Variants in CDKAL1 observed in about 807,000 individuals in gnomAD.
CDKAL1 encodes CDKAL1 threonylcarbamoyladenosine tRNA methylthiotransferase.
Under a neutral mutation model 68.2 loss-of-function variants are expected in CDKAL1, and 32 were observed. That is an observed-to-expected ratio of 0.47 (90% CI 0.35 to 0.63). The LOEUF (loss-of-function observed/expected upper bound fraction) is 0.63, where lower values mean the gene tolerates loss of function less well. Ranked by LOEUF, CDKAL1 falls within the 30% of genes least tolerant of loss-of-function variation. The pLI is 0.00. For synonymous variants in CDKAL1, 234 were observed against 244.3 expected (o/e 0.96, Z 0.39); for missense variants, 606 against 696.7 (o/e 0.87, Z 1.47).
chr6:21,087,698 G>C (rs1426367872), intron 12 of CDKAL1, among the ~76,000 whole-genome samples: 1 of 151,936 alleles, frequency 6.6e-6, no homozygotes, highest in Non-Finnish European at 1.5e-5. Flanking sequence ...CTAACTCTTG[G>C]TCAATGGTTC....
chr6:21,150,367 C>T (rs190335680), intron 13 of CDKAL1, among the ~76,000 whole-genome samples: 1 of 152,260 alleles, frequency 6.6e-6, no homozygotes, highest in Non-Finnish European at 1.5e-5. Context: ...CCTGATGCCT[C>T]CTTAGCGATT....
intron 8 of CDKAL1, chr6:20,799,831 A>G (rs1192463339): frequency 6.6e-6 from 1 of 152,204 alleles, no homozygotes; most frequent in Non-Finnish European, 1.5e-5. Flanking sequence ...TTGAGTAGAG[A>G]AAGAAATAAT....
Position 20,534,553 on chromosome 6 carries a change from G to C in CDKAL1, c.-71G>C, listed in dbSNP as rs1013393777. 6.5e-6 allele frequency: 1 copy of C among 152,806 alleles called. No individual in the cohort carries two copies. Among genetic ancestry groups the C allele is most frequent in the Non-Finnish European group, 1.5e-5 (1 of 68,098 alleles). The allele number at this position is 152,806 out of a possible 1,614,324, so 9.5% of individuals were successfully genotyped here. On this transcript the variant is annotated 5_prime_UTR_variant, in exon 1 of 16. Transcript: ENST00000274695. Reference sequence around the variant, plus strand: ...GGGTTGATTTTCTCACTTTGGACTGGTTTTTACTTCCCGACTTCTGGGTAA... The same window carrying C: ...GGGTTGATTTTCTCACTTTGGACTGCTTTTTACTTCCCGACTTCTGGGTAA...
In CDKAL1 at chr6:20,590,297, A is replaced by G. The variant is rs141936416; in HGVS notation, c.286+41592A>G. 4.2e-3 allele frequency among the ~76,000 whole-genome samples: 640 copies of G among 152,296 alleles called. 5 individuals carry two copies. The highest frequency in any genetic ancestry group is 0.015 in the African/African-American group (604 of 41,568). On this transcript the variant is annotated intron_variant, in intron 4 of 15. Transcript: ENST00000274695. Reference sequence around the variant, plus strand: ...CATGATGATTCTAGACTAGATATGCAAATTACCTACTATGCACAGAGTAAG... The same window carrying G: ...CATGATGATTCTAGACTAGATATGCGAATTACCTACTATGCACAGAGTAAG...
chr6:21,104,592 C>G (rs1414243823), intron 12 of CDKAL1, among the ~76,000 whole-genome samples: 1 of 151,620 alleles, frequency 6.6e-6, no homozygotes, highest in African/African-American at 2.4e-5. Flanking sequence ...TTCTGGATTC[C>G]AGAAGATACT....
intron 8 of CDKAL1, among the ~76,000 whole-genome samples, chr6:20,789,972 G>A (rs917381102): frequency 1.6e-4 from 25 of 152,226 alleles, no homozygotes; most frequent in Admixed American, 6.5e-4. Context: ...TAATTTTTTT[G>A]TAGAGATAAG....
chr6:20,753,471 T>C (rs1183082209), intron 6 of CDKAL1, among the ~76,000 whole-genome samples: 3 of 152,176 alleles, frequency 2.0e-5, no homozygotes, highest in Non-Finnish European at 4.4e-5. Context: ...CAGTATTCAG[T>C]ACAGTAGCAG....
chr6:20,580,209 A>G (rs1309474778), intron 4 of CDKAL1, among the ~76,000 whole-genome samples: 1 of 152,188 alleles, frequency 6.6e-6, no homozygotes, highest in Non-Finnish European at 1.5e-5. Context: ...ACATTTGTGA[A>G]TCTAACATTT....
chr6:20,735,497 C>A (rs1424818009), intron 5 of CDKAL1, among the ~76,000 whole-genome samples: 1 of 152,050 alleles, frequency 6.6e-6, no homozygotes, highest in African/African-American at 2.4e-5. Context: ...GAAACGACTC[C>A]TATGATTCAG....
chr6:20,701,507 C>T (rs1043633487), intron 5 of CDKAL1, among the ~76,000 whole-genome samples: 4 of 152,048 alleles, frequency 2.6e-5, no homozygotes, highest in East Asian at 1.9e-4. Flanking sequence ...AATGACCCCT[C>T]GAGTAGAGGA....
rs1484029765 is a variant in CDKAL1 at position 20,809,316 on chromosome 6, G to A, written c.638+28051G>A. On this transcript the variant is annotated intron_variant, in intron 8 of 15. Transcript: ENST00000274695. ...GGCCATGCGTTTCTTCACTTAATATGTTGAAGAATTTTGTTCTACTTCATA... is the reference window on the plus strand; with the variant it reads ...GGCCATGCGTTTCTTCACTTAATATATTGAAGAATTTTGTTCTACTTCATA... Among the ~76,000 whole-genome samples the A allele has an allele frequency of 2.6e-5, 4 of 152,158 alleles. No individual in the cohort carries two copies. In the East Asian group the frequency reaches 7.7e-4, roughly 29 times the overall value.
intron 4 of CDKAL1, among the ~76,000 whole-genome samples, chr6:20,562,615 G>T (rs983664277): frequency 6.6e-6 from 1 of 151,922 alleles, no homozygotes; most frequent in Admixed American, 6.6e-5. Context: ...GGTGGTGGGC[G>T]CCTGTAATCC....
At chr6:20,585,526 GCTC>G (rs1462666565) in intron 4 of CDKAL1, among the ~76,000 whole-genome samples, 1 of 152,152 alleles carries the variant, frequency 6.6e-6, no homozygotes, top group Non-Finnish European at 1.5e-5. Flanking sequence ...ACTTGAAAGT[GCTC>G]TCATCAAGTT....
In CDKAL1 at chr6:20,649,287, T is replaced by A. The variant is rs564684460; in HGVS notation, c.287-6T>A. The stretch of plus-strand genomic sequence containing the variant: ...TACTTCTTTTTTGTGTTCATTTTTT[T>A]AATAGAAAATGCATCCGATGCAGAT... On this transcript the variant is annotated splice_region_variant and splice_polypyrimidine_tract_variant and intron_variant, in intron 4 of 15. Transcript: ENST00000274695. 18 of 1,597,904 alleles carry A rather than the reference T, an allele frequency of 1.1e-5. No homozygotes were observed. In the South Asian group the frequency reaches 1.7e-4, roughly 15 times the overall value.
At chr6:20,949,085 T>C (rs2150713965) in intron 9 of CDKAL1, among the ~76,000 whole-genome samples, 1 of 152,352 alleles carries the variant, frequency 6.6e-6, no homozygotes, top group East Asian at 1.9e-4. Context: ...AAATACCATC[T>C]CTTTGTTAAC....
intron 12 of CDKAL1, among the ~76,000 whole-genome samples, chr6:21,078,089 C>T (rs1022253527): frequency 6.6e-6 from 1 of 152,140 alleles, no homozygotes. Flanking sequence ...ACAGCCCTGC[C>T]AAAACCCTTG....
At chr6:21,131,427 T>C (rs1341871504) in intron 13 of CDKAL1, among the ~76,000 whole-genome samples, 1 of 152,248 alleles carries the variant, frequency 6.6e-6, no homozygotes, top group African/African-American at 2.4e-5. Context: ...TTAATTTCAG[T>C]TTTCTTGTTA....
rs555894811 is a variant in CDKAL1, at chr6:20,809,713, C to T, written c.638+28448C>T. Among the ~76,000 whole-genome samples the T allele has an allele frequency of 7.2e-5, 11 of 152,052 alleles. No individual in the cohort carries two copies. In the East Asian group the frequency reaches 1.7e-3, roughly 24 times the overall value. On this transcript the variant is annotated intron_variant, in intron 8 of 15. Coordinates refer to ENST00000274695, the MANE Select transcript of CDKAL1 (RefSeq NM_017774.3). ...GGCTAACAATTGAAGAATAAGTAAA[C>T]GTAGAAAGGAAGAAGTCAATTCAAA...
intron 6 of CDKAL1, among the ~76,000 whole-genome samples, chr6:20,749,191 T>C (rs1773805560): frequency 1.3e-5 from 2 of 152,344 alleles, no homozygotes; most frequent in Non-Finnish European, 2.9e-5. Context: ...GCAATGTTGT[T>C]AATATTATTC....
Sources: allele counts gnomAD v4.1 joint callset (sites outside exome capture counted in the v4.1 genomes callset), GRCh38; gene constraint gnomAD v4.1.1; transcripts MANE v1.5; gene names NCBI Gene and HGNC (gene_info 2026-07-23, HGNC 2026-07-21).